Variants in USP32 observed in about 807,000 individuals in gnomAD.
The protein encoded by USP32 is ubiquitin carboxyl-terminal hydrolase 32.
A neutral mutation model predicts 204.8 loss-of-function variants in USP32; 59 were observed. The ratio of observed to expected loss-of-function variants is 0.29; its 90% confidence interval spans 0.23 to 0.36. The LOEUF is 0.36. Ranked by LOEUF, USP32 falls within the 10% of genes least tolerant of loss-of-function variation. USP32 has a pLI of 1.00. For synonymous variants in USP32, 517 were observed against 678.4 expected (o/e 0.76, Z 3.70); for missense variants, 1,160 against 1,946.4 (o/e 0.60, Z 7.60).
chr17:60,319,214 T>C (rs1019191998), intron 2 of USP32, among the ~76,000 whole-genome samples: 6 of 152,234 alleles, frequency 3.9e-5, no homozygotes, highest in African/African-American at 1.2e-4. Context: ...CTGTGAACTG[T>C]ACACTTTAAA....
At chr17:60,302,006 A>G (rs571935715) in intron 2 of USP32, among the ~76,000 whole-genome samples, 1 of 152,342 alleles carries the variant, frequency 6.6e-6, no homozygotes, top group South Asian at 2.1e-4. Context: ...CATAAATTAC[A>G]TAAGATATTT....
chr17:60,179,116 G>C lies in USP32; in HGVS notation c.*139C>G. On this transcript the variant is annotated 3_prime_UTR_variant, in exon 34 of 34. Coordinates refer to ENST00000300896, the MANE Select transcript of USP32 (RefSeq NM_032582.4). Reference sequence around the variant, plus strand: ...CTCTTAAAGTTAACTATTTTAATTAGAATTTTTATTTTGTGCTTCAGGGCC... The same window carrying C: ...CTCTTAAAGTTAACTATTTTAATTACAATTTTTATTTTGTGCTTCAGGGCC... The C allele has an allele frequency of 1.0e-6, 1 of 988,518 alleles. No homozygotes were observed. The highest frequency in any genetic ancestry group is 1.4e-6 in the Non-Finnish European group (1 of 694,442). 61.2% of individuals were successfully genotyped at this position (988,518 alleles called of 1,614,324 possible).
At chr17:60,283,401 AAATTTAATGTC>A (rs1410559740) in intron 5 of USP32, among the ~76,000 whole-genome samples, 2 of 152,258 alleles carry the variant, frequency 1.3e-5, no homozygotes, top group Admixed American at 6.5e-5. Flanking sequence ...TAATTAAAAG[AAATTTAATGTC>A]AATTTAATGT....
intron 2 of USP32, among the ~76,000 whole-genome samples, chr17:60,324,790 G>C (rs898642547): frequency 3.9e-5 from 6 of 152,004 alleles, no homozygotes; most frequent in Non-Finnish European, 7.4e-5. Flanking sequence ...ATTATCTGAG[G>C]TCGGGAGTTC....
At chr17:60,256,937 A>G (rs945006183) in intron 9 of USP32, 2 of 360,756 alleles carry the variant, frequency 5.5e-6, no homozygotes, top group Non-Finnish European at 1.1e-5. Flanking sequence ...ACGTGATTTC[A>G]TCATTCTAAG....
At chr17:60,266,201 T>A in intron 7 of USP32, 110 bp from the exon 8 acceptor site, 1 of 749,656 alleles carries the variant, frequency 1.3e-6, no homozygotes, top group East Asian at 2.6e-5. Flanking sequence ...AGCAAGTATA[T>A]GTATTCTGGA....
chr17:60,404,039 CAA>C (rs76866814), intron 1 of USP32, among the ~76,000 whole-genome samples: 72 of 101,416 alleles, frequency 7.1e-4, no homozygotes, highest in Non-Finnish European at 6.0e-4. Context: ...GACCCTGCCT[CAA>C]AAAAAAAAAA....
chr17:60,273,029 C>T (rs973835241), intron 5 of USP32, among the ~76,000 whole-genome samples: 5 of 152,122 alleles, frequency 3.3e-5, no homozygotes, highest in African/African-American at 9.7e-5. Flanking sequence ...AGTGCAGTGG[C>T]GTGATCTCGG....
intron 1 of USP32, among the ~76,000 whole-genome samples, chr17:60,385,708 G>C (rs1030773754): frequency 6.6e-6 from 1 of 151,748 alleles, no homozygotes; most frequent in African/African-American, 2.4e-5. Flanking sequence ...CGGGCATGGT[G>C]GTGGGTGCCT....
chr17:60,397,851 A>G (rs1015563569), intron 1 of USP32, among the ~76,000 whole-genome samples: 4 of 152,174 alleles, frequency 2.6e-5, no homozygotes, highest in Non-Finnish European at 4.4e-5. Flanking sequence ...TAATTGTGGT[A>G]TAATTTGAAA....
intron 1 of USP32, chr17:60,421,430 C>T: frequency 2.0e-6 from 2 of 985,634 alleles, no homozygotes; most frequent in Non-Finnish European, 2.4e-6. Flanking sequence ...GCAGGGGAGG[C>T]CCGGGCCGAC....
intron 1 of USP32, among the ~76,000 whole-genome samples, chr17:60,366,729 C>T (rs1324561285): frequency 8.7e-5 from 13 of 149,884 alleles, no homozygotes; most frequent in Admixed American, 2.0e-4. Flanking sequence ...AGCAAGACAT[C>T]GTCTCAAAAA....
At chr17:60,296,370 TAAG>T (rs1224759861) in intron 3 of USP32, among the ~76,000 whole-genome samples, 2 of 152,068 alleles carry the variant, frequency 1.3e-5, no homozygotes, top group African/African-American at 4.8e-5. Context: ...GGTGCCCTTA[TAAG>T]AAGAAAAGCA....
chr17:60,349,626 A>ATATATATAT (rs2088894049), intron 1 of USP32, among the ~76,000 whole-genome samples: 3 of 76,276 alleles, frequency 3.9e-5, no homozygotes, highest in African/African-American at 1.8e-4. Context: ...TATATATATT[A>ATATATATAT]TATATATATA....
intron 2 of USP32, among the ~76,000 whole-genome samples, chr17:60,341,710 G>T (rs2088662273): frequency 6.6e-6 from 1 of 152,130 alleles, no homozygotes; most frequent in South Asian, 2.1e-4. Flanking sequence ...TGAAACTTGT[G>T]CATGCATCAC....
chr17:60,271,576 AGTT>A, intron 5 of USP32, 95 bp from the exon 6 acceptor site: 1 of 1,245,686 alleles, frequency 8.0e-7, no homozygotes, highest in Non-Finnish European at 1.1e-6. Flanking sequence ...GATATATTTT[AGTT>A]TCACAATTCA....
chr17:60,319,054 G>A (rs2088051775), intron 2 of USP32, among the ~76,000 whole-genome samples: 1 of 152,128 alleles, frequency 6.6e-6, no homozygotes, highest in African/African-American at 2.4e-5. Context: ...AATTCATAAA[G>A]ACTAAAAGTT....
At chr17:60,284,386 G>T (rs937531243) in intron 5 of USP32, among the ~76,000 whole-genome samples, 7 of 150,114 alleles carry the variant, frequency 4.7e-5, no homozygotes, top group Non-Finnish European at 7.4e-5. Context: ...GCTAATTTTT[G>T]TATTTTTTTT....
chr17:60,220,177 A>T (rs2085208160), intron 15 of USP32, among the ~76,000 whole-genome samples: 1 of 152,144 alleles, frequency 6.6e-6, no homozygotes, highest in Non-Finnish European at 1.5e-5. Context: ...ATTGAGTTAC[A>T]AGTCAAAAAC....
Sources: gnomAD v4.1 joint callset for allele counts (sites outside exome capture counted in the v4.1 genomes callset) on GRCh38, gnomAD v4.1.1 for gene constraint, MANE v1.5 for transcripts, NCBI Gene and HGNC (gene_info 2026-07-23, HGNC 2026-07-21) for gene names.